The following KAZN variants were observed in gnomAD, a reference collection of about 807,000 sequenced individuals.
KAZN encodes kazrin, periplakin interacting protein.
KAZN carries 40 observed loss-of-function variants against 87.4 expected under a neutral mutation model. The observed-to-expected ratio is 0.46, with a 90% CI of 0.36 to 0.60. KAZN has a LOEUF of 0.60. Ranked by LOEUF, KAZN falls within the 20% of genes least tolerant of loss-of-function variation. KAZN has a pLI of 0.00. For missense variants in KAZN, 898 were observed against 1,073.9 expected, an observed-to-expected ratio of 0.84 and a Z score of 2.29; for synonymous variants, 466 against 458.3, an observed-to-expected ratio of 1.02 and a Z score of -0.22.
chr1:14,500,154 T>C (rs1670163209), intron 2 of KAZN, among the ~76,000 whole-genome samples: 1 of 152,112 alleles, frequency 6.6e-6, no homozygotes, highest in African/African-American at 2.4e-5. Flanking sequence ...GTCATGATGC[T>C]ACCCTGCCCT....
At chr1:14,115,000 C>T (rs1644583929) in intron 1 of KAZN, among the ~76,000 whole-genome samples, 1 of 152,246 alleles carries the variant, frequency 6.6e-6, no homozygotes, top group Non-Finnish European at 1.5e-5. Context: ...TTAGCCACTG[C>T]TCCTGTGCTG....
At chr1:14,354,645 GACACACACACACACACACAC>G (rs71570202) in intron 2 of KAZN, among the ~76,000 whole-genome samples, 1 of 141,378 alleles carries the variant, frequency 7.1e-6, no homozygotes, top group Non-Finnish European at 1.5e-5. Flanking sequence ...AGCTAAATTA[GACACACACACACACACACAC>G]ACACACACAC....
At chr1:14,874,470 C>CTGGATGGA (rs58006026) in intron 1 of KAZN, among the ~76,000 whole-genome samples, 5,487 of 148,056 alleles carry the variant, frequency 0.037, 216 homozygotes, top group Admixed American at 0.12. Context: ...AGCTGGCTGA[C>CTGGATGGA]TGGATGGATG....
chr1:14,456,553 T>A (rs1171576834), intron 2 of KAZN, among the ~76,000 whole-genome samples: 2 of 152,218 alleles, frequency 1.3e-5, no homozygotes, highest in Admixed American at 6.5e-5. Flanking sequence ...TCTTATTTTT[T>A]AATTCAGCAC....
chr1:14,819,833 G>A lies in KAZN; in HGVS notation c.227-140851G>A, dbSNP rs184564698. 3.2e-3 allele frequency among the ~76,000 whole-genome samples: 472 copies of A among 145,656 alleles called. 3 individuals carry two copies. Among genetic ancestry groups the A allele is most frequent in the African/African-American group, 0.012 (453 of 38,802 alleles). On this transcript the variant is annotated intron_variant, in intron 1 of 14. Coordinates refer to ENST00000376030, the MANE Select transcript of KAZN (RefSeq NM_201628.3). Reference sequence around the variant, plus strand: ...AGCAATTCTCCTCCCTCAACCTCCCGAGTAGCTGGGATTACAGGTGCCCAC... The same window carrying A: ...AGCAATTCTCCTCCCTCAACCTCCCAAGTAGCTGGGATTACAGGTGCCCAC...
chr1:14,906,592 A>AT, intron 1 of KAZN, among the ~76,000 whole-genome samples: 1 of 152,012 alleles, frequency 6.6e-6, no homozygotes, highest in African/African-American at 2.4e-5. Context: ...GCACGTTGAT[A>AT]TTTTTTCAAT....
At chr1:13,971,249 G>A (rs1642125756) in intron 1 of KAZN, among the ~76,000 whole-genome samples, 1 of 152,182 alleles carries the variant, frequency 6.6e-6, no homozygotes, top group Non-Finnish European at 1.5e-5. Flanking sequence ...TTGTAAAAGA[G>A]AGCAAGTGGA....
At chr1:14,026,670 T>C (rs1198362014) in intron 1 of KAZN, among the ~76,000 whole-genome samples, 2 of 152,164 alleles carry the variant, frequency 1.3e-5, no homozygotes, top group Non-Finnish European at 2.9e-5. Flanking sequence ...GGGATTTTGT[T>C]AAAATACAGA....
At chr1:14,393,588 G>A (rs1226467485) in intron 2 of KAZN, among the ~76,000 whole-genome samples, 2 of 152,092 alleles carry the variant, frequency 1.3e-5, no homozygotes, top group African/African-American at 4.8e-5. Flanking sequence ...GCTTATTCCA[G>A]GGGACACATT....
At chr1:14,775,806 C>T (rs1289875862) in intron 1 of KAZN, among the ~76,000 whole-genome samples, 2 of 152,192 alleles carry the variant, frequency 1.3e-5, no homozygotes, top group African/African-American at 4.8e-5. Flanking sequence ...TGCAAAAGCT[C>T]AAGTGTCCTG....
chr1:14,469,551 G>A (rs1342941007), intron 2 of KAZN, among the ~76,000 whole-genome samples: 2 of 152,302 alleles, frequency 1.3e-5, no homozygotes, highest in East Asian at 3.9e-4. Context: ...AGTGAAGATG[G>A]CAACAGCAAA....
intron 1 of KAZN, among the ~76,000 whole-genome samples, chr1:14,935,836 T>G (rs1212112878): frequency 6.6e-6 from 1 of 152,146 alleles, no homozygotes; most frequent in Non-Finnish European, 1.5e-5. Context: ...GCCTTACCCA[T>G]GGGACAGCCC....
intron 8 of KAZN, among the ~76,000 whole-genome samples, chr1:15,079,555 C>T (rs1454948746): frequency 2.0e-5 from 3 of 152,092 alleles, no homozygotes; most frequent in Non-Finnish European, 4.4e-5. Flanking sequence ...CCATCCATCG[C>T]CCCCAGCTTT....
chr1:15,072,549 T>C (rs887025202), intron 8 of KAZN, among the ~76,000 whole-genome samples: 1 of 152,240 alleles, frequency 6.6e-6, no homozygotes, highest in African/African-American at 2.4e-5. Flanking sequence ...CAGCCTGGTC[T>C]GGAAGTCAGG....
intron 1 of KAZN, among the ~76,000 whole-genome samples, chr1:13,938,004 A>T (rs79196404): frequency 6.6e-6 from 1 of 152,208 alleles, no homozygotes; most frequent in Non-Finnish European, 1.5e-5. Context: ...TATTTTGGCT[A>T]TTCAGACTCT....
chr1:13,903,994 T>G (rs1388885151), intron 1 of KAZN, among the ~76,000 whole-genome samples: 3 of 152,066 alleles, frequency 2.0e-5, no homozygotes, highest in African/African-American at 7.2e-5. Context: ...TAGAGAGGCA[T>G]GAACCACTCC....
intron 1 of KAZN, among the ~76,000 whole-genome samples, chr1:14,000,887 A>G (rs558909745): frequency 6.6e-6 from 1 of 151,136 alleles, no homozygotes; most frequent in Non-Finnish European, 1.5e-5. Context: ...GGTTCACGCC[A>G]TTCTCCTGCC....
intron 2 of KAZN, among the ~76,000 whole-genome samples, chr1:14,208,044 G>C (rs1646780193): frequency 6.6e-6 from 1 of 152,156 alleles, no homozygotes; most frequent in Non-Finnish European, 1.5e-5. Context: ...TCGTTTACTG[G>C]AGCTGTGCAC....
intron 2 of KAZN, among the ~76,000 whole-genome samples, chr1:14,975,341 T>C (rs1451047638): frequency 6.6e-6 from 1 of 152,156 alleles, no homozygotes; most frequent in Admixed American, 6.5e-5. Flanking sequence ...AGACATAAGC[T>C]CCTGATAGCC....
Sources: gnomAD v4.1 joint callset for allele counts (sites outside exome capture counted in the v4.1 genomes callset) on GRCh38, gnomAD v4.1.1 for gene constraint, MANE v1.5 for transcripts, NCBI Gene and HGNC (gene_info 2026-07-23, HGNC 2026-07-21) for gene names.